The following BLTP1 variants were observed in gnomAD, a reference collection of about 807,000 sequenced individuals.
BLTP1 encodes the protein fragile site-associated protein.
chr4:122,184,703 G>A, the BLTP1 span: 1 of 985,224 alleles, frequency 1.0e-6, no homozygotes, highest in Non-Finnish European at 1.2e-6. Context: ...TAAAAATGCT[G>A]GTTTAACAAC....
chr4:122,195,702 A>G, the BLTP1 span: 2 of 802,336 alleles, frequency 2.5e-6, no homozygotes, highest in Middle Eastern at 6.2e-4. Context: ...TGGATTCTCT[A>G]TCCTTAATAT....
chr4:122,197,582 G>A, the BLTP1 span: 1 of 383,694 alleles, frequency 2.6e-6, no homozygotes, highest in South Asian at 1.1e-4. Context: ...TTGAGAGCAG[G>A]TGCTGTTTTT....
chr4:122,251,706 C>T, the BLTP1 span: 4 of 595,512 alleles, frequency 6.7e-6, no homozygotes, highest in Non-Finnish European at 8.4e-6. Flanking sequence ...CTTGAATTGG[C>T]TAACATTACT....
chr4:122,264,275 A>G, the BLTP1 span: 9 of 1,605,938 alleles, frequency 5.6e-6, no homozygotes, highest in Admixed American at 1.7e-5. Flanking sequence ...TCTTCCAACA[A>G]TACCCTCAGC....
the BLTP1 span, chr4:122,349,366 C>CA: frequency 1.2e-4 from 184 of 1,560,920 alleles, no homozygotes; most frequent in African/African-American, 1.6e-3. This position sits in a 1 kb window ranked among gnomAD's most constrained non-coding sequence, Gnocchi z 4.5. Flanking sequence ...ATATATATAT[C>CA]AAAAAAAATG....
the BLTP1 span, chr4:122,254,036 A>G: frequency 1.5e-4 from 28 of 186,372 alleles, no homozygotes; most frequent in South Asian, 4.0e-3. Flanking sequence ...TTAAAAGAAT[A>G]GTATATCTGG....
At chr4:122,193,070 C>T in the BLTP1 span, among the ~76,000 whole-genome samples, 2 of 152,190 alleles carry the variant, frequency 1.3e-5, no homozygotes, top group East Asian at 1.9e-4. Context: ...TGGTCTTTCC[C>T]TTGTGTACCT....
chr4:122,321,978 A>T, the BLTP1 span, among the ~76,000 whole-genome samples: 8 of 20,510 alleles, frequency 3.9e-4, no homozygotes, highest in African/African-American at 7.6e-4. Flanking sequence ...AACTACATGT[A>T]ATTTTTTTTT....
chr4:122,195,841 A>G, the BLTP1 span, among the ~76,000 whole-genome samples: 1 of 152,212 alleles, frequency 6.6e-6, no homozygotes, highest in Admixed American at 6.5e-5. Flanking sequence ...TGGTTCATCT[A>G]ATTTTTCCCA....
chr4:122,162,762 G>A, the BLTP1 span: 4 of 547,154 alleles, frequency 7.3e-6, no homozygotes, highest in Non-Finnish European at 7.0e-6. Flanking sequence ...GTAATAAGAA[G>A]AAAAAGGATG....
chr4:122,348,743 TG>T, the BLTP1 span: 3 of 1,461,536 alleles, frequency 2.1e-6, no homozygotes, highest in East Asian at 4.7e-5. Flanking sequence ...ACAAAGGAAA[TG>T]TATTTAATCA....
At chr4:122,222,073 A>G in the BLTP1 span, 1 of 187,034 alleles carries the variant, frequency 5.3e-6, no homozygotes, top group Non-Finnish European at 1.0e-5. Context: ...TACCAAGGTG[A>G]AAGTAGAAGT....
At chr4:122,314,983 C>T in the BLTP1 span, among the ~76,000 whole-genome samples, 1 of 152,168 alleles carries the variant, frequency 6.6e-6, no homozygotes, top group African/African-American at 2.4e-5. Flanking sequence ...TTGCTCCCCT[C>T]TTGGCTACTT....
chr4:122,342,099 G>A, the BLTP1 span, among the ~76,000 whole-genome samples: 1 of 152,188 alleles, frequency 6.6e-6, no homozygotes, highest in Non-Finnish European at 1.5e-5. Flanking sequence ...CATACTTTTA[G>A]AATACCAGTC....
the BLTP1 span, chr4:122,246,730 G>A: frequency 6.2e-7 from 1 of 1,612,788 alleles, no homozygotes; most frequent in South Asian, 1.1e-5. Context: ...CTCCAACTAC[G>A]GCTCCTAGTA....
chr4:122,280,585 C>T, the BLTP1 span, among the ~76,000 whole-genome samples: 1 of 151,288 alleles, frequency 6.6e-6, no homozygotes, highest in East Asian at 1.9e-4. Flanking sequence ...ATCGCTTGAA[C>T]CCGGGAGGCA....
the BLTP1 span, among the ~76,000 whole-genome samples, chr4:122,356,393 G>A: frequency 6.6e-6 from 1 of 152,140 alleles, no homozygotes; most frequent in Non-Finnish European, 1.5e-5. Context: ...AAATATTCCA[G>A]AATCCAAAAT....
At chr4:122,237,422 G>A in the BLTP1 span, 4 of 906,234 alleles carry the variant, frequency 4.4e-6, no homozygotes, top group Non-Finnish European at 5.3e-6. Flanking sequence ...CTGTGTATGA[G>A]GCATTATTCT....
chr4:122,153,717 A>G, the BLTP1 span, among the ~76,000 whole-genome samples: 2 of 152,186 alleles, frequency 1.3e-5, no homozygotes, highest in Admixed American at 6.5e-5. Flanking sequence ...AACTTTCTCA[A>G]TGTGCATTTT....
Sources: allele counts gnomAD v4.1 joint callset (sites outside exome capture counted in the v4.1 genomes callset), GRCh38; gene constraint gnomAD v4.1.1; non-coding constraint Gnocchi (gnomAD v3.1); transcripts MANE v1.5; gene names NCBI Gene and HGNC (gene_info 2026-07-23, HGNC 2026-07-21).